The following FHIT variants were observed in gnomAD, a reference collection of about 807,000 sequenced individuals.
FHIT encodes the protein fragile histidine triad diadenosine triphosphatase.
Under a neutral mutation model 17.9 loss-of-function variants are expected in FHIT, and 19 were observed. The observed-to-expected ratio is 1.06, with a 90% CI of 0.74 to 1.56. The LOEUF (loss-of-function observed/expected upper bound fraction) is 1.56. FHIT is among the 40% of genes most tolerant of loss of function. The pLI is 0.00. For missense variants in FHIT, 248 were observed against 189.2 expected (o/e 1.31, Z -1.82); for synonymous variants, 81 against 69.7 (o/e 1.16, Z -0.81).
chr3:60,926,000 A>G (rs1553769751), intron 3 of FHIT, among the ~76,000 whole-genome samples: 2 of 152,248 alleles, frequency 1.3e-5, no homozygotes, highest in African/African-American at 4.8e-5. Context: ...CAACAAGAAA[A>G]GCTAACTACC....
intron 2 of FHIT, among the ~76,000 whole-genome samples, chr3:61,061,361 C>T (rs1010945729): frequency 6.6e-6 from 1 of 152,100 alleles, no homozygotes; most frequent in East Asian, 1.9e-4. Context: ...TTTATCTATC[C>T]AGTCACTTGT....
rs150346115 is a variant in FHIT, at chr3:60,257,609, G to C, written c.104-243457C>G. ...CATAGGGATTAACATTTGCTTCACT[G>C]AAGTAGGGGAGCAGGAGGAGGACAA... On this transcript the variant is annotated intron_variant, in intron 5 of 9. Transcript: ENST00000492590. Among the ~76,000 whole-genome samples, 67 of 152,302 alleles carry C rather than the reference G, an allele frequency of 4.4e-4. 1 individual carries two copies. The highest frequency in any genetic ancestry group is 9.9e-4 in the African/African-American group (41 of 41,570).
intron 5 of FHIT, among the ~76,000 whole-genome samples, chr3:60,430,843 T>C (rs1419388420): frequency 1.3e-5 from 2 of 152,120 alleles, no homozygotes; most frequent in African/African-American, 4.8e-5. Flanking sequence ...ATTAAGCCAA[T>C]AGTTGCAAGG....
At chr3:60,928,534 T>TGGA (rs1190601051) in intron 3 of FHIT, among the ~76,000 whole-genome samples, 1 of 129,726 alleles carries the variant, frequency 7.7e-6, no homozygotes, top group Non-Finnish European at 1.6e-5. Flanking sequence ...AGGTGACAGA[T>TGGA]GGAGACTCTG....
chr3:59,862,977 G>A (rs892153786), intron 8 of FHIT, among the ~76,000 whole-genome samples: 8 of 152,260 alleles, frequency 5.3e-5, no homozygotes, highest in Non-Finnish European at 7.4e-5. Flanking sequence ...GCACAAACAC[G>A]AAGTAGACAC....
At chr3:60,539,105 A>AATTT (rs1371615570) in intron 4 of FHIT, among the ~76,000 whole-genome samples, 1 of 152,206 alleles carries the variant, frequency 6.6e-6, no homozygotes, top group African/African-American at 2.4e-5. Context: ...GAAAAAAACA[A>AATTT]ACAACCCCAT....
intron 4 of FHIT, among the ~76,000 whole-genome samples, chr3:60,812,492 G>T (rs1553736415): frequency 6.6e-6 from 1 of 152,056 alleles, no homozygotes. Context: ...ACACACATGT[G>T]ACATTTTCAG....
At chr3:59,810,823 G>A (rs761023175) in intron 8 of FHIT, among the ~76,000 whole-genome samples, 7 of 152,162 alleles carry the variant, frequency 4.6e-5, no homozygotes, top group Non-Finnish European at 7.3e-5. Context: ...GGTAATTAGC[G>A]CATGTAAGCT....
At chr3:60,433,557 T>A (rs959775055) in intron 5 of FHIT, among the ~76,000 whole-genome samples, 1 of 152,094 alleles carries the variant, frequency 6.6e-6, no homozygotes, top group Non-Finnish European at 1.5e-5. Context: ...TCCAATTTCT[T>A]CATACACTTA....
At chr3:61,072,255 G>A (rs553246374) in intron 2 of FHIT, among the ~76,000 whole-genome samples, 2 of 152,156 alleles carry the variant, frequency 1.3e-5, no homozygotes, top group South Asian at 4.2e-4. Flanking sequence ...TTTTATTCAG[G>A]TATTGACTGC....
At chr3:61,038,605 T>C (rs557148238) in intron 3 of FHIT, among the ~76,000 whole-genome samples, 1 of 152,352 alleles carries the variant, frequency 6.6e-6, no homozygotes, top group East Asian at 1.9e-4. Context: ...CTTGATATAA[T>C]AATGGCATTG....
intron 5 of FHIT, among the ~76,000 whole-genome samples, chr3:60,254,507 A>T (rs182273769): frequency 6.6e-6 from 1 of 152,350 alleles, no homozygotes; most frequent in Admixed American, 6.5e-5. Flanking sequence ...TAGCAAAAAA[A>T]TACATAATAT....
At chr3:60,022,483 C>T (rs1049480571) in intron 5 of FHIT, among the ~76,000 whole-genome samples, 3 of 152,228 alleles carry the variant, frequency 2.0e-5, no homozygotes, top group African/African-American at 7.2e-5. Flanking sequence ...ATGTGACCGA[C>T]AGCTTTATTT....
intron 3 of FHIT, among the ~76,000 whole-genome samples, chr3:60,827,190 T>G (rs1324845814): frequency 6.6e-6 from 1 of 152,198 alleles, no homozygotes; most frequent in African/African-American, 2.4e-5. Flanking sequence ...GAAAGTTCAG[T>G]AATCATGAAG....
chr3:60,544,835 A>C (rs965419375), intron 4 of FHIT, among the ~76,000 whole-genome samples: 1 of 151,822 alleles, frequency 6.6e-6, no homozygotes, highest in African/African-American at 2.4e-5. Flanking sequence ...AACCTCAAGT[A>C]ATCCACCTGC....
intron 2 of FHIT, among the ~76,000 whole-genome samples, chr3:61,143,957 G>A (rs1285351995): frequency 5.3e-5 from 8 of 152,114 alleles, no homozygotes; most frequent in Admixed American, 2.0e-4. Context: ...GTGTAATATT[G>A]ACAGTCCAGG....
At chr3:60,603,340 T>G (rs1348661817) in intron 4 of FHIT, among the ~76,000 whole-genome samples, 2 of 152,210 alleles carry the variant, frequency 1.3e-5, no homozygotes, top group Non-Finnish European at 2.9e-5. Context: ...CAGGTAAAAT[T>G]AAATTTAACA....
intron 3 of FHIT, among the ~76,000 whole-genome samples, chr3:61,004,064 G>C (rs2031277685): frequency 6.6e-6 from 1 of 151,978 alleles, no homozygotes; most frequent in Non-Finnish European, 1.5e-5. Flanking sequence ...TGTGTTGAGG[G>C]CACCGAGACG....
chr3:60,524,292 C>T (rs992741379), intron 5 of FHIT, among the ~76,000 whole-genome samples: 4 of 151,210 alleles, frequency 2.6e-5, no homozygotes, highest in South Asian at 2.1e-4. Flanking sequence ...TACAAAGGAA[C>T]GTCATGTGGT....
Sources: gnomAD v4.1 joint callset for allele counts (sites outside exome capture counted in the v4.1 genomes callset) on GRCh38, gnomAD v4.1.1 for gene constraint, MANE v1.5 for transcripts, NCBI Gene and HGNC (gene_info 2026-07-23, HGNC 2026-07-21) for gene names.